FGFRL1: variants seen among roughly 807,000 people sequenced by gnomAD.
FGFRL1 encodes fibroblast growth factor receptor-like 1.
Under a neutral mutation model 36.8 loss-of-function variants are expected in FGFRL1, and 24 were observed. The observed-to-expected ratio is 0.65, with a 90% CI of 0.47 to 0.92. The LOEUF (loss-of-function observed/expected upper bound fraction) is 0.92. FGFRL1 is among the 40% of genes least tolerant of loss of function. FGFRL1 has a pLI of 0.00. For synonymous variants in FGFRL1, 422 were observed against 344.1 expected (o/e 1.23, Z -2.50); for missense variants, 785 against 753.4 (o/e 1.04, Z -0.49).
intron 2 of FGFRL1, among the ~76,000 whole-genome samples, chr4:1,013,506 C>T (rs1022180296): frequency 2.0e-5 from 3 of 151,184 alleles, no homozygotes; most frequent in African/African-American, 7.3e-5. Context: ...GGGCGGTGAC[C>T]AGGTGGGCCT....
Position 1,025,440 on chromosome 4 carries a change from C to G in FGFRL1, c.*93C>G. On this transcript the variant is annotated 3_prime_UTR_variant, in exon 7 of 7. Coordinates refer to ENST00000510644, the MANE Select transcript of FGFRL1 (RefSeq NM_001004356.3). ...GAGCTGCAGACGAAGGCAGGGGACC[C>G]ATGGCGAGGAGGAATGGCCAGCACC... The G allele has an allele frequency of 6.9e-7, 1 of 1,452,630 alleles. No individual in the cohort carries two copies. The highest frequency in any genetic ancestry group is 9.2e-7 in the Non-Finnish European group (1 of 1,084,118). The allele number at this position is 1,452,630 out of a possible 1,614,324, so 90.0% of individuals were successfully genotyped here.
chr4:1,012,860 G>T (rs1035841556), intron 2 of FGFRL1, among the ~76,000 whole-genome samples: 3 of 152,250 alleles, frequency 2.0e-5, no homozygotes, highest in South Asian at 2.1e-4. Flanking sequence ...TTTCATACTC[G>T]TACCTGCAGT....
rs1331396278 is a variant in FGFRL1 at position 1,022,201 on chromosome 4, AG to A, written c.80del. 1 of 1,516,704 alleles carries A rather than the reference AG, an allele frequency of 6.6e-7. No homozygotes were observed. The highest frequency in any genetic ancestry group is 2.0e-5 in the Admixed American group (1 of 49,260). The allele number at this position is 1,516,704 out of a possible 1,614,324, so 94.0% of individuals were successfully genotyped here. ...CTGACTGTTCCTCGGTCCCACCCGC[AG>A]GCCCCCCAAAGATGGCGGACAAGGT... On this transcript the variant is annotated splice_acceptor_variant, in intron 2 of 6. Transcript: ENST00000510644. LOFTEE classifies it high-confidence loss of function.
chr4:1,014,911 G>A (rs1424742798), intron 2 of FGFRL1, among the ~76,000 whole-genome samples: 1 of 152,234 alleles, frequency 6.6e-6, no homozygotes, highest in Admixed American at 6.5e-5. Flanking sequence ...CTTTGGCTGG[G>A]CCTGGAAACG....
At chr4:1,018,541 T>C (rs1560560410) in intron 2 of FGFRL1, among the ~76,000 whole-genome samples, 1 of 152,106 alleles carries the variant, frequency 6.6e-6, no homozygotes, top group East Asian at 1.9e-4. Flanking sequence ...GCTAAGTGTG[T>C]GTGCAGGGCA....
chr4:1,014,249 C>G (rs951433586), intron 2 of FGFRL1, among the ~76,000 whole-genome samples: 1 of 151,696 alleles, frequency 6.6e-6, no homozygotes, highest in Non-Finnish European at 1.5e-5. Flanking sequence ...CTTTCACAAT[C>G]TTGGTGGATT....
rs375150331 is a variant in FGFRL1, at chr4:1,025,098, G to A, written c.1266G>A (p.Thr422=). The A allele has an allele frequency of 4.9e-5, 79 of 1,610,372 alleles. No homozygotes were observed. Among genetic ancestry groups the A allele is most frequent in the Non-Finnish European group, 6.2e-5 (73 of 1,178,808 alleles). Residue 422 remains threonine (T), a synonymous_variant, in exon 7 of 7, where the codon ACG becomes ACA. Coordinates refer to ENST00000510644, the MANE Select transcript of FGFRL1 (RefSeq NM_001004356.3). ...TGCCTGGGCACCGCCCGCCGGGGAC[G>A]GCCCGCGACCGCAGCGGAGACAAGG... ...PPLPGHRPPG[T]ARDRSGDKDL...
rs201858459 is a variant in FGFRL1 at position 1,025,770 on chromosome 4, G to A, written c.*423G>A. On this transcript the variant is annotated 3_prime_UTR_variant, in exon 7 of 7. Transcript: ENST00000510644. ...GGATATGCTGTCTGGACGCACACAC[G>A]TGCAGATATGGTATCCGGACACACA... The A allele has an allele frequency of 2.7e-3, 654 of 246,168 alleles. 6 individuals carry two copies. The highest frequency in any genetic ancestry group is 0.016 in the African/African-American group (593 of 37,168). 15.2% of individuals were successfully genotyped at this position (246,168 alleles called of 1,614,324 possible).
chr4:1,012,533 G>A lies in FGFRL1; in HGVS notation c.48G>A (p.Leu16=). The change falls in exon 2 of 7, where the codon CTG becomes CTA. Residue 16 remains leucine (L), a synonymous_variant. Coordinates refer to ENST00000510644, the MANE Select transcript of FGFRL1 (RefSeq NM_001004356.3). ...LLLLLLPPLL[L]GAFPPAAAAR... is the part of the protein sequence containing the mutation. ...TGCTCCTGCTGCCGCCGCTGCTGCTGGGGGCCTTCCCGCCGGCCGCCGCCG... is the reference window on the plus strand; with the variant it reads ...TGCTCCTGCTGCCGCCGCTGCTGCTAGGGGCCTTCCCGCCGGCCGCCGCCG... 2.6e-6 allele frequency: 4 copies of A among 1,530,700 alleles called. No individual in the cohort carries two copies. In the East Asian group the frequency reaches 8.1e-5, roughly 31 times the overall value. The allele number at this position is 1,530,700 out of a possible 1,614,324, so 94.8% of individuals were successfully genotyped here.
chr4:1,023,603 C>G lies in FGFRL1; in HGVS notation c.353-38C>G. 2 of 1,554,470 alleles carry G rather than the reference C, an allele frequency of 1.3e-6. No homozygotes were observed. Among genetic ancestry groups the G allele is most frequent in the Non-Finnish European group, 1.7e-6 (2 of 1,148,048 alleles). ...GTTGGGGGAGCTCCTCAGGGCCCCC[C>G]TCACCTGCCCTCCCTGTGCACCTCC... On this transcript the variant is annotated intron_variant, in intron 3 of 6. Transcript: ENST00000510644. The surrounding 1 kb of genome is among the most constrained non-coding windows in gnomAD (Gnocchi z 6.0).
At chr4:1,016,257 G>T (rs927614789) in intron 2 of FGFRL1, among the ~76,000 whole-genome samples, 1 of 152,076 alleles carries the variant, frequency 6.6e-6, no homozygotes, top group Non-Finnish European at 1.5e-5. Context: ...CTGAAGTGGG[G>T]AAGGGCTGCC....
Position 1,025,266 on chromosome 4 carries a change from C to T in FGFRL1, c.1434C>T (p.Ile478=). ...PKLYPKLYTD[I]HTHTHTHSHT... is the part of the protein sequence containing the mutation. ...TGTACCCCAAACTCTACACAGACATCCACACACACACACACACACACTCTC... is the reference window on the plus strand; with the variant it reads ...TGTACCCCAAACTCTACACAGACATTCACACACACACACACACACACTCTC... The change falls in exon 7 of 7, where the codon ATC becomes ATT. Residue 478 remains isoleucine, a synonymous_variant. Transcript: ENST00000510644. The T allele has an allele frequency of 1.4e-6, 2 of 1,438,948 alleles. No individual in the cohort carries two copies. The highest frequency in any genetic ancestry group is 2.4e-5 in the South Asian group (2 of 83,346). 89.1% of individuals were successfully genotyped at this position (1,438,948 alleles called of 1,614,324 possible).
chr4:1,013,544 C>T lies in FGFRL1; in HGVS notation c.79+980C>T, dbSNP rs555626165. 8.8e-3 allele frequency among the ~76,000 whole-genome samples: 1,344 copies of T among 152,376 alleles called. 3 individuals are homozygous for T. Among genetic ancestry groups the T allele is most frequent in the Non-Finnish European group, 0.014 (978 of 68,038 alleles). On this transcript the variant is annotated intron_variant, in intron 2 of 6. Coordinates refer to ENST00000510644, the MANE Select transcript of FGFRL1 (RefSeq NM_001004356.3). Reference sequence around the variant, plus strand: ...TGCCACAGCACCCCCCCCTACCCCCCGCCTGCCCACATGGGCCTGGCTGAG... The same window carrying T: ...TGCCACAGCACCCCCCCCTACCCCCTGCCTGCCCACATGGGCCTGGCTGAG...
intron 2 of FGFRL1, among the ~76,000 whole-genome samples, chr4:1,018,868 C>T (rs1419200304): frequency 6.6e-6 from 1 of 151,992 alleles, no homozygotes; most frequent in Non-Finnish European, 1.5e-5. Flanking sequence ...GGGCCGGCAA[C>T]AGCAGGGGGT....
rs981271040 is a variant in FGFRL1, at chr4:1,023,429, C to T, written c.353-212C>T. On this transcript the variant is annotated intron_variant, in intron 3 of 6. Transcript: ENST00000510644. This position sits in a 1 kb window ranked among gnomAD's most constrained non-coding sequence, Gnocchi z 6.0. ...GGCCGGCCCTCCAGCCCCACCCGTG[C>T]CCATCAGGGTCACCTGCGCCCAGTG... 6.6e-6 allele frequency among the ~76,000 whole-genome samples: 1 copy of T among 152,226 alleles called. No individual in the cohort carries two copies. The highest frequency in any genetic ancestry group is 2.4e-5 in the African/African-American group (1 of 41,456).
intron 3 of FGFRL1, 112 bp downstream of exon 3, chr4:1,022,587 G>A: frequency 7.3e-7 from 1 of 1,378,394 alleles, no homozygotes; most frequent in East Asian, 2.5e-5. Context: ...GCCCCCGGCA[G>A]AAAGCCTTCC....
upstream of FGFRL1, among the ~76,000 whole-genome samples, chr4:1,011,462 G>A (rs975629296): frequency 6.8e-6 from 1 of 146,422 alleles, no homozygotes; most frequent in African/African-American, 2.5e-5. Flanking sequence ...TCCGCACCGC[G>A]AGGGTTAAGG....
At chr4:1,014,839 C>G (rs967203592) in intron 2 of FGFRL1, among the ~76,000 whole-genome samples, 1 of 152,228 alleles carries the variant, frequency 6.6e-6, no homozygotes, top group African/African-American at 2.4e-5. Context: ...GGCCCCACTC[C>G]TGGAAGGGAA....
At chr4:1,011,433 C>CCGCCCGCCCGCGGGGA (rs1715575135), upstream of FGFRL1, 1 of 144,594 alleles carries the variant, frequency 6.9e-6, no homozygotes, top group African/African-American at 2.5e-5. Context: ...CCCGGGGAAG[C>CCGCCCGCCCGCGGGGA]CGCCCGCCCG....
Sources: gnomAD v4.1 joint callset for allele counts (sites outside exome capture counted in the v4.1 genomes callset) on GRCh38, gnomAD v4.1.1 for gene constraint, Gnocchi (gnomAD v3.1) non-coding constraint, MANE v1.5 for transcripts, NCBI Gene and HGNC (gene_info 2026-07-23, HGNC 2026-07-21) for gene names.